GPC3: variants seen among roughly 807,000 people sequenced by gnomAD.
GPC3 encodes glypican-3.
In GPC3, 3 loss-of-function variants were observed where a neutral mutation model predicts 34.4. That is an observed-to-expected ratio of 0.09 (90% confidence interval 0.04 to 0.23). GPC3 has a LOEUF of 0.23. GPC3 is among the 10% of genes least tolerant of loss of function. The pLI is 1.00. For synonymous variants in GPC3, 177 were observed against 174.0 expected, an observed-to-expected ratio of 1.02 and a Z score of -0.13; for missense variants, 351 against 445.6, an observed-to-expected ratio of 0.79 and a Z score of 1.91.
intron 5 of GPC3, among the ~76,000 whole-genome samples, chrX:133,682,408 C>T (rs2070953372): frequency 8.9e-6 from 1 of 111,780 alleles, no homozygotes; most frequent in African/African-American, 3.3e-5. Flanking sequence ...CAAAAAAAAT[C>T]CAGTTTACCT....
chrX:133,719,097 A>G (rs1448742454), intron 3 of GPC3, among the ~76,000 whole-genome samples: 1 of 111,429 alleles, frequency 9.0e-6, no homozygotes. Context: ...CAACTAGATC[A>G]AACAGACATC....
intron 6 of GPC3, among the ~76,000 whole-genome samples, chrX:133,635,627 A>C (rs978344940): frequency 9.1e-6 from 1 of 110,455 alleles, no homozygotes; most frequent in Non-Finnish European, 1.9e-5. Context: ...CAACCAACAC[A>C]CTCATCTAGT....
At chrX:133,689,034 C>G (rs2071035983) in intron 5 of GPC3, among the ~76,000 whole-genome samples, 1 of 111,077 alleles carries the variant, frequency 9.0e-6, no homozygotes, top group Non-Finnish European at 1.9e-5. Context: ...AGGTTACTAA[C>G]CAAGAAGGAG....
intron 5 of GPC3, among the ~76,000 whole-genome samples, chrX:133,664,229 C>G (rs1291466357): frequency 8.9e-6 from 1 of 112,155 alleles, no homozygotes; most frequent in African/African-American, 3.2e-5. Context: ...AATCTACCAA[C>G]AAAGAGTTTT....
intron 2 of GPC3, among the ~76,000 whole-genome samples, chrX:133,884,361 A>T (rs1319456411): frequency 9.0e-6 from 1 of 111,399 alleles, no homozygotes; most frequent in Non-Finnish European, 1.9e-5. Context: ...CCTTCAAGAG[A>T]TTTATCAAAT....
intron 2 of GPC3, among the ~76,000 whole-genome samples, chrX:133,774,786 T>C (rs1301013040): frequency 9.0e-6 from 1 of 111,338 alleles, no homozygotes; most frequent in Non-Finnish European, 1.9e-5. Context: ...GTCATGAAGC[T>C]GGGGAGTGGT....
intron 1 of GPC3, among the ~76,000 whole-genome samples, chrX:133,954,328 T>A (rs2076406515): frequency 8.9e-6 from 1 of 112,422 alleles, no homozygotes; most frequent in Admixed American, 9.4e-5. Context: ...TTATTATATA[T>A]CAATTATGCC....
chrX:133,652,933 A>G (rs2070617454), intron 6 of GPC3, among the ~76,000 whole-genome samples: 1 of 112,096 alleles, frequency 8.9e-6, no homozygotes, highest in South Asian at 3.7e-4. Flanking sequence ...CTTCTGGTTC[A>G]CTAGTACTAG....
At chrX:133,951,105 G>A (rs1019550899) in intron 2 of GPC3, among the ~76,000 whole-genome samples, 2 of 104,744 alleles carry the variant, frequency 1.9e-5, no homozygotes, top group African/African-American at 6.9e-5. Flanking sequence ...AAGTGAAAGA[G>A]AGACAGAGAG....
At chrX:133,865,150 A>C (rs998917684) in intron 2 of GPC3, among the ~76,000 whole-genome samples, 3 of 111,988 alleles carry the variant, frequency 2.7e-5, no homozygotes, top group Non-Finnish European at 5.6e-5. Context: ...TCCCACACAA[A>C]AATAAAGATA....
At chrX:133,983,391 C>T (rs1205911663) in intron 1 of GPC3, among the ~76,000 whole-genome samples, 1 of 112,236 alleles carries the variant, frequency 8.9e-6, no homozygotes, top group Non-Finnish European at 1.9e-5. Flanking sequence ...GGGAAGGAGC[C>T]CAGGCCAAAT....
rs567841064 is a variant in GPC3 at position 133,546,512 on chromosome X, A to T, written c.1574-10219T>A. 2.7e-5 allele frequency among the ~76,000 whole-genome samples: 3 copies of T among 111,257 alleles called. No individual in the cohort carries two copies. The South Asian group carries it at 1.1e-3, about 42-fold the overall frequency. ...AAATGTCCAGCATAAACAAATAGAG[A>T]GAGAGAGAAAGTAGATTAGTGATTG... On this transcript the variant is annotated intron_variant, in intron 7 of 7. Transcript: ENST00000370818.
intron 2 of GPC3, among the ~76,000 whole-genome samples, chrX:133,947,362 A>C (rs1484549023): frequency 1.8e-5 from 2 of 111,436 alleles, no homozygotes; most frequent in African/African-American, 6.5e-5. Context: ...TCATCTGCAT[A>C]ATCTCCTCAC....
intron 1 of GPC3, among the ~76,000 whole-genome samples, chrX:133,978,068 G>T (rs2076523964): frequency 8.9e-6 from 1 of 111,851 alleles, no homozygotes; most frequent in Admixed American, 9.5e-5. Flanking sequence ...GAGTAGCTGG[G>T]ATTACAGGTA....
chrX:133,924,749 A>G (rs1175859446), intron 2 of GPC3, among the ~76,000 whole-genome samples: 1 of 111,962 alleles, frequency 8.9e-6, no homozygotes, highest in Non-Finnish European at 1.9e-5. Context: ...TGTCAAAAAC[A>G]TGTTAGCCCA....
chrX:133,817,055 T>A (rs1381646336), intron 2 of GPC3, among the ~76,000 whole-genome samples: 1 of 111,916 alleles, frequency 8.9e-6, no homozygotes, highest in Non-Finnish European at 1.9e-5. Context: ...TCATTTAACA[T>A]CTATTTTTGT....
chrX:133,896,705 C>T (rs1189901514), intron 2 of GPC3, among the ~76,000 whole-genome samples: 1 of 110,966 alleles, frequency 9.0e-6, no homozygotes, highest in African/African-American at 3.3e-5. Flanking sequence ...TCAATATTTA[C>T]TTAATATCTA....
At chrX:133,792,596 G>A (rs1490657628) in intron 2 of GPC3, among the ~76,000 whole-genome samples, 1 of 110,738 alleles carries the variant, frequency 9.0e-6, no homozygotes, top group Non-Finnish European at 1.9e-5. Context: ...TCCAGCTTTC[G>A]GCACCTCTCC....
At chrX:133,748,666 A>C (rs2071632000) in intron 3 of GPC3, among the ~76,000 whole-genome samples, 1 of 111,464 alleles carries the variant, frequency 9.0e-6, no homozygotes, top group Non-Finnish European at 1.9e-5. Context: ...TTGGCACCTA[A>C]AAATATGTTT....
Sources: allele counts gnomAD v4.1 joint callset (sites outside exome capture counted in the v4.1 genomes callset), GRCh38; gene constraint gnomAD v4.1.1; transcripts MANE v1.5; gene names NCBI Gene and HGNC (gene_info 2026-07-23, HGNC 2026-07-21).